PLEKHG3: variants seen among roughly 807,000 people sequenced by gnomAD.
The protein encoded by PLEKHG3 is pleckstrin homology domain-containing family G member 3.
In PLEKHG3, 62 loss-of-function variants were observed where a neutral mutation model predicts 94.9. That is an observed-to-expected ratio of 0.65 (90% CI 0.53 to 0.81). The LOEUF is 0.81. Ranked by LOEUF, PLEKHG3 falls within the 30% of genes least tolerant of loss-of-function variation. PLEKHG3 has a pLI of 0.00. For missense variants in PLEKHG3, 1,461 were observed against 1,619.3 expected (o/e 0.90, Z 1.68); for synonymous variants, 614 against 654.0 (o/e 0.94, Z 0.93).
chr14:64,728,030 T>C lies in PLEKHG3; in HGVS notation c.351+48T>C. 8.2e-7 allele frequency: 1 copy of C among 1,222,420 alleles called. No individual in the cohort carries two copies. 75.7% of individuals were successfully genotyped at this position (1,222,420 alleles called of 1,614,324 possible). The stretch of plus-strand genomic sequence containing the variant: ...CACAGTATTCTAGCAGAAGCCTGTT[T>C]CACCCTGGGAGGGAAGCTCTCAAAA... On this transcript the variant is annotated intron_variant, in intron 2 of 16. Transcript: ENST00000247226. This position sits in a 1 kb window ranked among gnomAD's most constrained non-coding sequence, Gnocchi z 5.9.
intron 12 of PLEKHG3, among the ~76,000 whole-genome samples, chr14:64,735,796 CAG>C (rs766206786): frequency 2.0e-5 from 3 of 152,310 alleles, no homozygotes; most frequent in African/African-American, 7.2e-5. Flanking sequence ...GCTTCCCACT[CAG>C]AGAGCTGAGA....
rs956598007 is a variant in PLEKHG3 at position 64,745,260 on chromosome 14, A to G, written c.*1557A>G. 9 of 152,114 alleles carry G rather than the reference A, an allele frequency of 5.9e-5. No individual in the cohort carries two copies. The highest frequency in any genetic ancestry group is 2.2e-4 in the African/African-American group (9 of 41,398). 9.4% of individuals were successfully genotyped at this position (152,114 alleles called of 1,614,324 possible). A position where few individuals can be genotyped will look rare whatever the true frequency, so the allele number is the denominator to read the frequency against. On this transcript the variant is annotated 3_prime_UTR_variant, in exon 17 of 17. Coordinates refer to ENST00000247226, the MANE Select transcript of PLEKHG3 (RefSeq NM_001308147.2). This position sits in a 1 kb window ranked among gnomAD's most constrained non-coding sequence, Gnocchi z 5.0. ...CAGTTGGGTTTTCTGCCCTTTCTCC[A>G]CAGAGGTCCAGACTCATTTTGCTTA... is the stretch of plus-strand genomic sequence containing the variant.
chr14:64,738,658 G>C lies in PLEKHG3; in HGVS notation c.1405-84G>C. ...TCAGCTCAGCCCAGCCCCTTGGGGC[G>C]TGGGAGGCACTGCCCGTGTTGGGAT... On this transcript the variant is annotated intron_variant, in intron 14 of 16. Transcript: ENST00000247226. This position sits in a 1 kb window ranked among gnomAD's most constrained non-coding sequence, Gnocchi z 4.8. 1.0e-6 allele frequency: 1 copy of C among 974,762 alleles called. No individual in the cohort carries two copies. The allele number at this position is 974,762 out of a possible 1,614,324, so 60.4% of individuals were successfully genotyped here.
In PLEKHG3 at chr14:64,741,638, A is replaced by G; in HGVS notation, c.2121A>G (p.Ser707=). Residue 707 remains serine (S), a synonymous_variant, in exon 16 of 17, where the codon TCA becomes TCG. Coordinates refer to ENST00000247226, the MANE Select transcript of PLEKHG3 (RefSeq NM_001308147.2). ...GGTCTTCCTGCAAGAAGAAGGAATC[A>G]GCACTCTCCACCCGAGACCGGCTGT... The part of the protein sequence containing the change: ...PDRSSCKKKE[S]ALSTRDRLLL... 6.2e-7 allele frequency: 1 copy of G among 1,613,004 alleles called. No individual in the cohort carries two copies. Among genetic ancestry groups the G allele is most frequent in the Non-Finnish European group, 8.5e-7 (1 of 1,180,028 alleles).
intron 14 of PLEKHG3, chr14:64,737,989 A>G: frequency 8.0e-7 from 1 of 1,247,636 alleles, no homozygotes; most frequent in Non-Finnish European, 1.0e-6. Context: ...GAGGAGGAGG[A>G]GGAGGAGGAG....
In PLEKHG3 at chr14:64,738,856, G is replaced by T; in HGVS notation, c.1518+1G>T. ...CGAGTCCATTTCTTCCCTGCCAGAG[G>T]TGAGCGACCAGCAGGTGGGATGGGG... On this transcript the variant is annotated splice_donor_variant, in intron 15 of 16. Coordinates refer to ENST00000247226, the MANE Select transcript of PLEKHG3 (RefSeq NM_001308147.2). LOFTEE classifies it high-confidence loss of function. This position sits in a 1 kb window ranked among gnomAD's most constrained non-coding sequence, Gnocchi z 4.8. 6.4e-7 allele frequency: 1 copy of T among 1,563,176 alleles called. No homozygotes were observed. Among genetic ancestry groups the T allele is most frequent in the Non-Finnish European group, 8.7e-7 (1 of 1,148,614 alleles).
In PLEKHG3 at chr14:64,730,893, G is replaced by A; in HGVS notation, c.661G>A (p.Gly221Ser). Reference protein sequence around the residue: ...QELLQHSLPLGSYLLKPVQRI... With the variant: ...QELLQHSLPLSSYLLKPVQRI... ...GCTGCTACAGCACTCGCTGCCCTTG[G>A]GCTCCTACCTGCTGAAGCCAGTCCA... Residue 221 changes from glycine (G) to serine (S), a missense_variant, in exon 6 of 17, where the codon GGC becomes AGC. This residue lies in a region of PLEKHG3 where 253 missense variants were observed against 297.8 expected (regional missense o/e 0.85). Coordinates refer to ENST00000247226, the MANE Select transcript of PLEKHG3 (RefSeq NM_001308147.2). The surrounding 1 kb of genome is among the most constrained non-coding windows in gnomAD (Gnocchi z 5.4). 6.2e-7 allele frequency: 1 copy of A among 1,613,150 alleles called. No individual in the cohort carries two copies.
At chr14:64,708,663 C>A (rs1382063411) in intron 1 of PLEKHG3, among the ~76,000 whole-genome samples, 3 of 152,198 alleles carry the variant, frequency 2.0e-5, no homozygotes, top group African/African-American at 7.2e-5. Context: ...CTGCTGGAAC[C>A]ACGGGCCTAC....
rs2081155590 is a variant in PLEKHG3, at chr14:64,716,472, CACACACACAA to C, written c.-39-11120_-39-11111del. Reference sequence around the variant, plus strand: ...CACACACACACACACACACAACACACACACACACAACACACACACACACAACACACACACA... The same window carrying C: ...CACACACACACACACACACAACACACCACACACACACACAACACACACACA... On this transcript the variant is annotated intron_variant, in intron 1 of 16. Coordinates refer to ENST00000247226, the MANE Select transcript of PLEKHG3 (RefSeq NM_001308147.2). This position sits in a 1 kb window ranked among gnomAD's most constrained non-coding sequence, Gnocchi z 5.0. Among the ~76,000 whole-genome samples the C allele has an allele frequency of 7.4e-6, 1 of 134,306 alleles. No individual in the cohort carries two copies. 88.1% of individuals were successfully genotyped at this position (134,306 alleles called of 152,430 possible).
rs2081117428 is a variant in PLEKHG3, at chr14:64,715,038, C to T, written c.-40+10334C>T. Among the ~76,000 whole-genome samples, 1 of 152,068 alleles carries T rather than the reference C, an allele frequency of 6.6e-6. No individual in the cohort carries two copies. Among genetic ancestry groups the T allele is most frequent in the Non-Finnish European group, 1.5e-5 (1 of 68,014 alleles). ...TGAGACCCCGTGCAGGTTGGTACCC[C>T]CACTGCAAGAGTGTGTGGGTGGAGA... On this transcript the variant is annotated intron_variant, in intron 1 of 16. Transcript: ENST00000247226. The surrounding 1 kb of genome is among the most constrained non-coding windows in gnomAD (Gnocchi z 4.4).
At position 64,741,323 on chromosome 14, in the gene PLEKHG3, C is replaced by G; in HGVS notation, c.1806C>G (p.Ala602=). 6.2e-7 allele frequency: 1 copy of G among 1,613,736 alleles called. No individual in the cohort carries two copies. Among genetic ancestry groups the G allele is most frequent in the East Asian group, 2.2e-5 (1 of 44,884 alleles). The stretch of plus-strand genomic sequence containing the variant: ...TGCCACCCTCTGTGCTGGACCAGGC[C>G]AGCGTCATTGCGGAGCGATTTGTCA... ...SLLPPSVLDQ[A]SVIAERFVSS... Residue 602 remains alanine (A), a synonymous_variant, in exon 16 of 17, where the codon GCC becomes GCG. Coordinates refer to ENST00000247226, the MANE Select transcript of PLEKHG3 (RefSeq NM_001308147.2).
rs1046757231 is a variant in PLEKHG3 at position 64,725,805 on chromosome 14, G to A, written c.-39-1788G>A. 1.3e-5 allele frequency among the ~76,000 whole-genome samples: 2 copies of A among 152,168 alleles called. No individual in the cohort carries two copies. Among genetic ancestry groups the A allele is most frequent in the Non-Finnish European group, 2.9e-5 (2 of 68,024 alleles). ...AAAGTGCTGTGCTCCAGAGCATCCCGGCCAGGTTAGCGGCAGGTGGTAAGT... is the reference window on the plus strand; with the variant it reads ...AAAGTGCTGTGCTCCAGAGCATCCCAGCCAGGTTAGCGGCAGGTGGTAAGT... On this transcript the variant is annotated intron_variant, in intron 1 of 16. Transcript: ENST00000247226. This position sits in a 1 kb window ranked among gnomAD's most constrained non-coding sequence, Gnocchi z 5.0.
In PLEKHG3 at chr14:64,731,915, C is replaced by T. The variant is rs2081475122; in HGVS notation, c.1125+109C>T. The T allele has an allele frequency of 1.1e-6, 1 of 895,870 alleles. No individual in the cohort carries two copies. The highest frequency in any genetic ancestry group is 1.8e-6 in the Non-Finnish European group (1 of 547,844). The allele number at this position is 895,870 out of a possible 1,614,324, so 55.5% of individuals were successfully genotyped here. A position where few individuals can be genotyped will look rare whatever the true frequency, so the allele number is the denominator to read the frequency against. On this transcript the variant is annotated intron_variant, in intron 9 of 16. Transcript: ENST00000247226. This position sits in a 1 kb window ranked among gnomAD's most constrained non-coding sequence, Gnocchi z 6.1. ...TAGCTGCCCCAAGCCCCAGTGTCTC[C>T]ATCTGTGAGGCAAGGATCATTGCAG...
At chr14:64,711,437 G>A (rs1242318247) in intron 1 of PLEKHG3, among the ~76,000 whole-genome samples, 1 of 149,538 alleles carries the variant, frequency 6.7e-6, no homozygotes, top group Non-Finnish European at 1.5e-5. Flanking sequence ...TTTTTGAGAC[G>A]GAGTCTCACT....
At chr14:64,719,992 G>A (rs955059399) in intron 1 of PLEKHG3, among the ~76,000 whole-genome samples, 5 of 152,184 alleles carry the variant, frequency 3.3e-5, no homozygotes, top group Non-Finnish European at 7.3e-5. Flanking sequence ...GGCTCTTCCG[G>A]TTTTGGGGCA....
chr14:64,748,353 G>C lies in PLEKHG3; in HGVS notation c.*4650G>C. On this transcript the variant is annotated 3_prime_UTR_variant, in exon 17 of 17. Coordinates refer to ENST00000247226, the MANE Select transcript of PLEKHG3 (RefSeq NM_001308147.2). ...GGGGGCCCACACTGTCCCGTAGGGGGCCTATGTCTGTTGGATATTGCTGGT... is the reference window on the plus strand; with the variant it reads ...GGGGGCCCACACTGTCCCGTAGGGGCCCTATGTCTGTTGGATATTGCTGGT... 1 of 152,420 alleles carries C rather than the reference G, an allele frequency of 6.6e-6. No homozygotes were observed. Among genetic ancestry groups the C allele is most frequent in the Non-Finnish European group, 1.5e-5 (1 of 68,106 alleles). The allele number at this position is 152,420 out of a possible 1,614,324, so 9.4% of individuals were successfully genotyped here. A position where few individuals can be genotyped will look rare whatever the true frequency, so the allele number is the denominator to read the frequency against.
intron 1 of PLEKHG3, among the ~76,000 whole-genome samples, chr14:64,709,729 CTGTGTGTGTGTGTG>C (rs3063746): frequency 2.0e-4 from 29 of 144,108 alleles, no homozygotes; most frequent in African/African-American, 4.3e-4. Context: ...GGCTGTGAGA[CTGTGTGTGTGTGTG>C]TGTGTGTGTG....
At position 64,743,095 on chromosome 14, in the gene PLEKHG3, A is replaced by G. The variant is rs566377290; in HGVS notation, c.3052A>G (p.Asn1018Asp). 8 of 1,613,010 alleles carry G rather than the reference A, an allele frequency of 5.0e-6. No individual in the cohort carries two copies. In the Admixed American group the frequency reaches 1.3e-4, roughly 27 times the overall value. ...GEMSPQRFFF[N>D]PSAVSQRTTS... is the part of the protein sequence containing the mutation. The stretch of plus-strand genomic sequence containing the variant: ...GATGTCACCACAGCGTTTCTTCTTC[A>G]ACCCGTCTGCTGTCAGCCAGAGGAC... Residue 1018 changes from asparagine to aspartate, a missense_variant, in exon 17 of 17, where the codon AAC (asparagine) becomes GAC (aspartate). This residue lies in a region of PLEKHG3 where 1,201 missense variants were observed against 1,295.5 expected (regional missense o/e 0.93). Coordinates refer to ENST00000247226, the MANE Select transcript of PLEKHG3 (RefSeq NM_001308147.2). This position sits in a 1 kb window ranked among gnomAD's most constrained non-coding sequence, Gnocchi z 7.2.
At position 64,730,286 on chromosome 14, in the gene PLEKHG3, G is replaced by A; in HGVS notation, c.493G>A (p.Ala165Thr). The A allele has an allele frequency of 6.5e-7, 1 of 1,535,192 alleles. No homozygotes were observed. Among genetic ancestry groups the A allele is most frequent in the Non-Finnish European group, 8.7e-7 (1 of 1,146,030 alleles). The change falls in exon 4 of 17, where the codon GCT becomes ACT. Residue 165 changes from alanine (A) to threonine (T), a missense_variant. This residue lies in a region of PLEKHG3 where 253 missense variants were observed against 297.8 expected (regional missense o/e 0.85). Transcript: ENST00000247226. The surrounding 1 kb of genome is among the most constrained non-coding windows in gnomAD (Gnocchi z 5.4). Reference protein sequence around the residue: ...DLDSCNSDPVAVASCFVERSQ... With the variant: ...DLDSCNSDPVTVASCFVERSQ... ...GGACAGCTGCAATAGTGACCCCGTG[G>A]CTGTGGCCAGCTGCTTTGTGGAAAG...
Sources: allele counts gnomAD v4.1 joint callset (sites outside exome capture counted in the v4.1 genomes callset), GRCh38; gene constraint gnomAD v4.1.1; regional missense constraint gnomAD v4.1.1; non-coding constraint Gnocchi (gnomAD v3.1); transcripts MANE v1.5; gene names NCBI Gene and HGNC (gene_info 2026-07-23, HGNC 2026-07-21).